The following VAT1L variants were observed in gnomAD, a reference collection of about 807,000 sequenced individuals.
VAT1L encodes putative NADPH-dependent quinone oxidoreductase VAT1L.
A neutral mutation model predicts 44.1 loss-of-function variants in VAT1L; 34 were observed. The observed-to-expected ratio is 0.77, with a 90% CI of 0.59 to 1.03. VAT1L has a LOEUF of 1.03. Ranked by LOEUF, VAT1L falls within the 50% of genes least tolerant of loss-of-function variation. VAT1L has a pLI of 0.00. For synonymous variants in VAT1L, 253 were observed against 202.2 expected, an observed-to-expected ratio of 1.25 and a Z score of -2.13; for missense variants, 615 against 538.8, an observed-to-expected ratio of 1.14 and a Z score of -1.40.
In VAT1L at chr16:77,873,165, AT is replaced by A. The variant is rs1361609167; in HGVS notation, c.723-3203del. Among the ~76,000 whole-genome samples, 16 of 152,348 alleles carry A rather than the reference AT, an allele frequency of 1.1e-4. No homozygotes were observed. The South Asian group carries it at 2.1e-3, about 20-fold the overall frequency. ...ATACTTAATACTGGCTTGAACATTT[AT>A]TAAGTCTTAAACTCAGACTGGTGAA... On this transcript the variant is annotated intron_variant, in intron 4 of 8. Coordinates refer to ENST00000302536, the MANE Select transcript of VAT1L (RefSeq NM_020927.3).
At chr16:77,886,642 C>T (rs1034706920) in intron 7 of VAT1L, among the ~76,000 whole-genome samples, 2 of 152,136 alleles carry the variant, frequency 1.3e-5, no homozygotes, top group Non-Finnish European at 2.9e-5. Flanking sequence ...TGGACAAGAT[C>T]CCATGACTTC....
At chr16:77,866,306 T>G (rs979567289) in intron 4 of VAT1L, among the ~76,000 whole-genome samples, 1 of 152,190 alleles carries the variant, frequency 6.6e-6, no homozygotes, top group Non-Finnish European at 1.5e-5. Context: ...AGGGAAATAG[T>G]TCAGTCGATT....
intron 7 of VAT1L, among the ~76,000 whole-genome samples, chr16:77,939,048 C>T (rs2017841634): frequency 6.6e-6 from 1 of 152,088 alleles, no homozygotes; most frequent in African/African-American, 2.4e-5. Flanking sequence ...TCTGGGCTTC[C>T]CACTTCTACC....
At chr16:77,795,681 C>T (rs2015916930) in intron 1 of VAT1L, among the ~76,000 whole-genome samples, 1 of 152,138 alleles carries the variant, frequency 6.6e-6, no homozygotes, top group Admixed American at 6.5e-5. Flanking sequence ...GGAATCAGCG[C>T]AGACGGGGAG....
intron 7 of VAT1L, among the ~76,000 whole-genome samples, chr16:77,912,957 C>T (rs2017514277): frequency 6.6e-6 from 1 of 152,088 alleles, no homozygotes; most frequent in Non-Finnish European, 1.5e-5. Flanking sequence ...ATCTCGAAGG[C>T]TTCATCCTCA....
chr16:77,944,234 AC>A (rs1359291422), intron 7 of VAT1L, among the ~76,000 whole-genome samples: 17 of 151,912 alleles, frequency 1.1e-4, no homozygotes, highest in African/African-American at 4.1e-4. Flanking sequence ...AGAATAAAAA[AC>A]CCTGCTCTAA....
rs113375025 is a variant in VAT1L, at chr16:77,927,337, C to CAAA, written c.1077+42548_1077+42550dup. Among the ~76,000 whole-genome samples the CAAA allele has an allele frequency of 5.8e-4, 69 of 119,708 alleles. 1 individual carries two copies. Among genetic ancestry groups the CAAA allele is most frequent in the South Asian group, 1.1e-3 (4 of 3,502 alleles). 78.5% of individuals were successfully genotyped at this position (119,708 alleles called of 152,430 possible). ...TGGGTGACAGAGCGAGACTCCATCT[C>CAAA]AAAAAAAAAAAAAAACACTGTTGGG... is the stretch of plus-strand genomic sequence containing the variant. On this transcript the variant is annotated intron_variant, in intron 7 of 8. Coordinates refer to ENST00000302536, the MANE Select transcript of VAT1L (RefSeq NM_020927.3).
In VAT1L at chr16:77,879,016, C is replaced by A. The variant is rs568583964; in HGVS notation, c.827-153C>A. On this transcript the variant is annotated intron_variant, in intron 5 of 8. Transcript: ENST00000302536. The surrounding 1 kb of genome is among the most constrained non-coding windows in gnomAD (Gnocchi z 4.1). Reference sequence around the variant, plus strand: ...AGCTAACATAGTCAACTTTATGCCTCATTCTCATTCCCCTCACTTTGCCAA... The same window carrying A: ...AGCTAACATAGTCAACTTTATGCCTAATTCTCATTCCCCTCACTTTGCCAA... 6.6e-6 allele frequency among the ~76,000 whole-genome samples: 1 copy of A among 152,328 alleles called. No individual in the cohort carries two copies. The highest frequency in any genetic ancestry group is 2.1e-4 in the South Asian group (1 of 4,826).
intron 7 of VAT1L, among the ~76,000 whole-genome samples, chr16:77,894,662 G>A (rs1433615867): frequency 1.3e-5 from 2 of 152,124 alleles, no homozygotes; most frequent in Non-Finnish European, 2.9e-5. Flanking sequence ...CTCTGAATAT[G>A]CTAAAAAAAT....
chr16:77,850,141 G>A (rs916529681), intron 3 of VAT1L, among the ~76,000 whole-genome samples: 3 of 152,198 alleles, frequency 2.0e-5, no homozygotes, highest in Non-Finnish European at 1.5e-5. Context: ...AGGCACTGCT[G>A]CATGCTGGTG....
At chr16:77,822,348 G>A (rs1252585540) in intron 2 of VAT1L, among the ~76,000 whole-genome samples, 2 of 152,068 alleles carry the variant, frequency 1.3e-5, no homozygotes, top group Non-Finnish European at 1.5e-5. Flanking sequence ...TGATCAGGCT[G>A]GGCTTGAACT....
At chr16:77,874,637 C>A (rs2017068371) in intron 4 of VAT1L, among the ~76,000 whole-genome samples, 1 of 152,002 alleles carries the variant, frequency 6.6e-6, no homozygotes, top group African/African-American at 2.4e-5. Context: ...TCTGATAGCC[C>A]TGATTGGGAA....
chr16:77,944,514 T>C (rs1756516518), intron 7 of VAT1L, among the ~76,000 whole-genome samples: 1 of 152,212 alleles, frequency 6.6e-6, no homozygotes, highest in Non-Finnish European at 1.5e-5. Context: ...TCTGTGACCA[T>C]GAGCATAGTA....
chr16:77,815,076 T>C (rs1054730051), intron 1 of VAT1L, among the ~76,000 whole-genome samples: 7 of 152,188 alleles, frequency 4.6e-5, no homozygotes, highest in African/African-American at 1.7e-4. Context: ...TCCCAGGTTA[T>C]AGAGATAGAA....
chr16:77,850,719 T>C (rs1234094317), intron 3 of VAT1L, among the ~76,000 whole-genome samples: 1 of 151,770 alleles, frequency 6.6e-6, no homozygotes, highest in East Asian at 1.9e-4. Context: ...TGGGTGCAAA[T>C]TGTAATTTGG....
chr16:77,838,969 G>A (rs1644395878), intron 3 of VAT1L, among the ~76,000 whole-genome samples: 1 of 151,894 alleles, frequency 6.6e-6, no homozygotes, highest in Admixed American at 6.6e-5. Flanking sequence ...TCCATAGTGA[G>A]CAAACTCAGG....
intron 7 of VAT1L, among the ~76,000 whole-genome samples, chr16:77,885,520 G>C (rs1013082835): frequency 6.6e-6 from 1 of 152,110 alleles, no homozygotes. Flanking sequence ...AAGAAATGAA[G>C]AGATGTGGCC....
chr16:77,864,746 G>A (rs987914648), intron 4 of VAT1L, among the ~76,000 whole-genome samples: 1 of 152,098 alleles, frequency 6.6e-6, no homozygotes, highest in Admixed American at 6.5e-5. Flanking sequence ...AAAGGAGGGG[G>A]TTCTGATGGT....
chr16:77,933,291 C>T (rs2017753157), intron 7 of VAT1L, among the ~76,000 whole-genome samples: 1 of 152,162 alleles, frequency 6.6e-6, no homozygotes, highest in Non-Finnish European at 1.5e-5. Flanking sequence ...GTTCTTTTAG[C>T]TAATAAGTGA....
Sources: allele counts gnomAD v4.1 joint callset (sites outside exome capture counted in the v4.1 genomes callset), GRCh38; gene constraint gnomAD v4.1.1; non-coding constraint Gnocchi (gnomAD v3.1); transcripts MANE v1.5; gene names NCBI Gene and HGNC (gene_info 2026-07-23, HGNC 2026-07-21).